L3MBTL4: variants seen among roughly 807,000 people sequenced by gnomAD.
The protein encoded by L3MBTL4 is L3MBTL histone methyl-lysine binding protein 4, also known as lethal(3)malignant brain tumor-like protein 4.
In L3MBTL4, 70 loss-of-function variants were observed where a neutral mutation model predicts 84.5. The ratio of observed to expected loss-of-function variants is 0.83; its 90% CI spans 0.68 to 1.01. L3MBTL4 has a LOEUF of 1.01. Ranked by LOEUF, L3MBTL4 falls within the 50% of genes least tolerant of loss-of-function variation. L3MBTL4 has a pLI of 0.00. For synonymous variants in L3MBTL4, 274 were observed against 259.8 expected (o/e 1.05, Z -0.52); for missense variants, 715 against 754.8 (o/e 0.95, Z 0.62).
chr18:6,105,800 CAAAA>C (rs530044057), intron 14 of L3MBTL4, among the ~76,000 whole-genome samples: 2 of 96,124 alleles, frequency 2.1e-5, no homozygotes, highest in African/African-American at 3.2e-5. Flanking sequence ...AACTCTGTCT[CAAAA>C]AAAAAAAAAA....
At position 6,215,843 on chromosome 18, in the gene L3MBTL4, T is replaced by C. The variant is rs760613467; in HGVS notation, c.785-8A>G. 9.6e-6 allele frequency: 13 copies of C among 1,357,386 alleles called. No homozygotes were observed. Among genetic ancestry groups the C allele is most frequent in the South Asian group, 2.6e-5 (2 of 77,858 alleles). 84.1% of individuals were successfully genotyped at this position (1,357,386 alleles called of 1,614,324 possible). On this transcript the variant is annotated splice_region_variant and splice_polypyrimidine_tract_variant and intron_variant, in intron 10 of 18. Coordinates refer to ENST00000317931, the MANE Select transcript of L3MBTL4 (RefSeq NM_001330559.2). The stretch of plus-strand genomic sequence containing the variant: ...TTTCTGGATTGGGATAACCTGAAAA[T>C]ATATATATATAAATAGCAAAAGATT...
At position 6,301,904 on chromosome 18, in the gene L3MBTL4, G is replaced by A. The variant is rs74645110; in HGVS notation, c.126C>T (p.His42=). The A allele has an allele frequency of 0.025, 40,050 of 1,609,930 alleles. 595 individuals carry two copies. Among genetic ancestry groups the A allele is most frequent in the Non-Finnish European group, 0.03 (34,735 of 1,176,212 alleles). The change falls in exon 4 of 19, where the codon CAC becomes CAT. Residue 42 remains histidine (H), a splice_region_variant and synonymous_variant. Coordinates refer to ENST00000317931, the MANE Select transcript of L3MBTL4 (RefSeq NM_001330559.2). ...ACTGTAAATATTGGTGATAATTACC[G>A]TGACTCAAAGGGGTTGTGCTATCCT... ...KPKDSTTPLS[H]VPSAAAQGAW... is the part of the protein sequence containing the mutation.
intron 1 of L3MBTL4, among the ~76,000 whole-genome samples, chr18:6,325,863 T>C (rs2051690193): frequency 6.6e-6 from 1 of 152,220 alleles, no homozygotes; most frequent in Admixed American, 6.5e-5. Context: ...GGTAAAATAG[T>C]GGACACAGTA....
At chr18:6,224,025 C>T (rs182148928) in intron 10 of L3MBTL4, among the ~76,000 whole-genome samples, 316 of 151,880 alleles carry the variant, frequency 2.1e-3, no homozygotes, top group African/African-American at 7.3e-3. Context: ...GAGTAATTAA[C>T]CTGGGTGGAA....
intron 16 of L3MBTL4, among the ~76,000 whole-genome samples, chr18:6,052,198 T>C (rs1007063983): frequency 6.6e-6 from 1 of 152,222 alleles, no homozygotes; most frequent in Non-Finnish European, 1.5e-5. Flanking sequence ...CATTTTCTCT[T>C]TGATGTTTTG....
chr18:5,998,853 C>A (rs988849861), intron 16 of L3MBTL4, among the ~76,000 whole-genome samples: 6 of 152,324 alleles, frequency 3.9e-5, no homozygotes, highest in Non-Finnish European at 7.3e-5. Flanking sequence ...CTTGCAGTCA[C>A]CTGGGATAGT....
chr18:6,398,039 G>T (rs528242114), intron 1 of L3MBTL4: 3 of 151,938 alleles, frequency 2.0e-5, no homozygotes, highest in Non-Finnish European at 4.4e-5. Context: ...TCTTCTTAAG[G>T]GGAAGTAATA....
chr18:6,023,768 C>T lies in L3MBTL4; in HGVS notation c.1445-54206G>A, dbSNP rs375706895. On this transcript the variant is annotated intron_variant, in intron 16 of 18. Transcript: ENST00000317931. ...CACACCTCACCTGTCTTCAGCCACG[C>T]GGGGAAGAGTACAATTATCCTGTAT... Among the ~76,000 whole-genome samples, 509 of 152,236 alleles carry T rather than the reference C, an allele frequency of 3.3e-3. 6 individuals carry two copies. Among genetic ancestry groups the T allele is most frequent in the South Asian group, 0.029 (139 of 4,822 alleles).
chr18:6,266,235 G>C (rs1014158102), intron 4 of L3MBTL4, among the ~76,000 whole-genome samples: 1 of 152,144 alleles, frequency 6.6e-6, no homozygotes, highest in South Asian at 2.1e-4. Context: ...ACACATTCAC[G>C]TAGAAAAGCA....
At chr18:5,994,274 C>T (rs890178294) in intron 16 of L3MBTL4, among the ~76,000 whole-genome samples, 9 of 152,228 alleles carry the variant, frequency 5.9e-5, no homozygotes, top group Non-Finnish European at 7.3e-5. Flanking sequence ...TTGTGAGCTG[C>T]GTGGAGGCTG....
chr18:6,166,142 A>T (rs1341378073), intron 13 of L3MBTL4, among the ~76,000 whole-genome samples: 1 of 152,224 alleles, frequency 6.6e-6, no homozygotes, highest in Non-Finnish European at 1.5e-5. Flanking sequence ...TCCTAAATAT[A>T]TATGCACCCA....
chr18:6,373,937 TAAGG>T (rs1315776966), intron 1 of L3MBTL4, among the ~76,000 whole-genome samples: 2 of 152,246 alleles, frequency 1.3e-5, no homozygotes, highest in Non-Finnish European at 2.9e-5. Context: ...GGGGTTTTTT[TAAGG>T]AAGGTCTTAG....
chr18:6,223,764 C>T (rs2046660798), intron 10 of L3MBTL4, among the ~76,000 whole-genome samples: 2 of 152,190 alleles, frequency 1.3e-5, no homozygotes. Flanking sequence ...TTGGCCCTCC[C>T]ATGTACAACC....
intron 14 of L3MBTL4, among the ~76,000 whole-genome samples, chr18:6,110,349 T>C (rs1447277613): frequency 2.0e-5 from 3 of 152,312 alleles, no homozygotes; most frequent in East Asian, 1.9e-4. Flanking sequence ...GTGGTGTCTG[T>C]ATGCGTGTGT....
intron 1 of L3MBTL4, among the ~76,000 whole-genome samples, chr18:6,349,900 T>C (rs2053097693): frequency 6.6e-6 from 1 of 152,148 alleles, no homozygotes; most frequent in Non-Finnish European, 1.5e-5. Flanking sequence ...ATCTGAATGC[T>C]GGTTTTCCAG....
intron 16 of L3MBTL4, among the ~76,000 whole-genome samples, chr18:6,009,525 G>A (rs183621263): frequency 6.6e-6 from 1 of 152,236 alleles, no homozygotes; most frequent in East Asian, 1.9e-4. Flanking sequence ...GGTATTCATG[G>A]GGAAATTGGT....
At chr18:6,041,180 G>A (rs1052134827) in intron 16 of L3MBTL4, among the ~76,000 whole-genome samples, 4 of 152,246 alleles carry the variant, frequency 2.6e-5, no homozygotes, top group African/African-American at 4.8e-5. Context: ...GGGGCGGACT[G>A]CCCAGTACAT....
intron 1 of L3MBTL4, among the ~76,000 whole-genome samples, chr18:6,366,182 A>G (rs1194590247): frequency 1.3e-5 from 2 of 152,250 alleles, no homozygotes; most frequent in Non-Finnish European, 2.9e-5. Flanking sequence ...ACTAAATTTA[A>G]TAATTCCTCC....
At chr18:6,305,376 T>A (rs753451880) in intron 3 of L3MBTL4, among the ~76,000 whole-genome samples, 1 of 152,306 alleles carries the variant, frequency 6.6e-6, no homozygotes, top group Non-Finnish European at 1.5e-5. Flanking sequence ...TCTCCAAAGT[T>A]CCTGCTAGCT....
Sources: gnomAD v4.1 joint callset for allele counts (sites outside exome capture counted in the v4.1 genomes callset) on GRCh38, gnomAD v4.1.1 for gene constraint, MANE v1.5 for transcripts, NCBI Gene and HGNC (gene_info 2026-07-23, HGNC 2026-07-21) for gene names.